The following BCR variants were observed in gnomAD, a reference collection of about 807,000 sequenced individuals.
BCR encodes the protein breakpoint cluster region protein.
In BCR, 58 loss-of-function variants were observed where a neutral mutation model predicts 138.6. That is an observed-to-expected ratio of 0.42 (90% confidence interval 0.34 to 0.52). BCR has a LOEUF of 0.52. Among genes scored for constraint, BCR ranks in the 20% least tolerant of loss-of-function variants. BCR has a pLI of 0.06. For synonymous variants in BCR, 786 were observed against 730.1 expected, an observed-to-expected ratio of 1.08 and a Z score of -1.23; for missense variants, 1,599 against 1,727.2, an observed-to-expected ratio of 0.93 and a Z score of 1.32.
intron 1 of BCR, among the ~76,000 whole-genome samples, chr22:23,240,654 A>G (rs957710191): frequency 2.0e-5 from 3 of 152,068 alleles, no homozygotes; most frequent in African/African-American, 7.2e-5. Flanking sequence ...TGTCTCAAAA[A>G]GAAAAAAAAA....
At chr22:23,245,811 A>G (rs2073150820) in intron 1 of BCR, among the ~76,000 whole-genome samples, 1 of 152,178 alleles carries the variant, frequency 6.6e-6, no homozygotes, top group Admixed American at 6.5e-5. Context: ...GCCTTAAAAA[A>G]AAAAAAAAAT....
intron 8 of BCR, 50 bp from the exon 9 acceptor site, chr22:23,283,927 C>T: frequency 6.6e-7 from 1 of 1,520,428 alleles, no homozygotes; most frequent in South Asian, 1.2e-5. Context: ...GAACACCCCC[C>T]ACCCATCACC....
At chr22:23,227,024 A>T (rs9608089) in intron 1 of BCR, among the ~76,000 whole-genome samples, 1 of 152,066 alleles carries the variant, frequency 6.6e-6, no homozygotes, top group Non-Finnish European at 1.5e-5. Flanking sequence ...TAAATAGGCA[A>T]GCTGCTTGCT....
At chr22:23,292,462 A>G (rs2073798989) in intron 14 of BCR, 79 bp from the exon 15 acceptor site, 1 of 1,046,146 alleles carries the variant, frequency 9.6e-7, no homozygotes, top group African/African-American at 1.6e-5. Flanking sequence ...TGATTCTGCA[A>G]ATAACACCTG....
chr22:23,273,830 C>G (rs141780479), intron 8 of BCR, 56 bp downstream of exon 8: 1 of 1,603,926 alleles, frequency 6.2e-7, no homozygotes, highest in African/African-American at 1.3e-5. Flanking sequence ...TGGGGGCATG[C>G]AGGGCCCCTC....
At chr22:23,219,546 T>A (rs1405307056) in intron 1 of BCR, among the ~76,000 whole-genome samples, 1 of 152,234 alleles carries the variant, frequency 6.6e-6, no homozygotes, top group Non-Finnish European at 1.5e-5. Flanking sequence ...GCTGTTCCCT[T>A]CTCACAAACC....
Position 23,261,959 on chromosome 22 carries a change from A to G in BCR, c.1752+419A>G, listed in dbSNP as rs959456080. 1.8e-5 allele frequency: 3 copies of G among 163,442 alleles called. No individual in the cohort carries two copies. The South Asian group carries it at 4.7e-4, about 26-fold the overall frequency. The allele number at this position is 163,442 out of a possible 1,614,324, so 10.1% of individuals were successfully genotyped here. A position where few individuals can be genotyped will look rare whatever the true frequency, so the allele number is the denominator to read the frequency against. ...CTGGGAGGTCACCATATTGATGCCA[A>G]ACTTAGTGTGTAGTGCACTACAGCC... On this transcript the variant is annotated intron_variant, in intron 4 of 22. Transcript: ENST00000305877.
At position 23,264,464 on chromosome 22, in the gene BCR, C is replaced by T; in HGVS notation, c.1752+2924C>T. On this transcript the variant is annotated intron_variant, in intron 4 of 22. Coordinates refer to ENST00000305877, the MANE Select transcript of BCR (RefSeq NM_004327.4). ...TTCCTCCCCACTGCCCCACTGTGCT[C>T]CTGGGCCTGTGACCCCAGTGCTCAG... 8 of 620,490 alleles carry T rather than the reference C, an allele frequency of 1.3e-5. No homozygotes were observed. The South Asian group carries it at 1.3e-4, about 10-fold the overall frequency. The allele number at this position is 620,490 out of a possible 1,614,324, so 38.4% of individuals were successfully genotyped here. A position where few individuals can be genotyped will look rare whatever the true frequency, so the allele number is the denominator to read the frequency against.
intron 1 of BCR, among the ~76,000 whole-genome samples, chr22:23,211,040 T>C (rs998279229): frequency 1.3e-5 from 2 of 152,138 alleles, no homozygotes; most frequent in African/African-American, 2.4e-5. Context: ...AGAAACCCTA[T>C]ACCTATTAGC....
intron 1 of BCR, among the ~76,000 whole-genome samples, chr22:23,184,914 C>G (rs1190204073): frequency 6.6e-6 from 1 of 151,294 alleles, no homozygotes; most frequent in Non-Finnish European, 1.5e-5. Context: ...GAAAATCACT[C>G]ATGGGGGTGG....
At chr22:23,184,223 C>T (rs2072309353) in intron 1 of BCR, among the ~76,000 whole-genome samples, 3 of 152,116 alleles carry the variant, frequency 2.0e-5, no homozygotes, top group Admixed American at 2.0e-4. Flanking sequence ...GCAGCTGGGA[C>T]TGCAGGCTCA....
In BCR at chr22:23,315,416, C is replaced by G. The variant is rs749064816; in HGVS notation, c.3727-17C>G. Reference sequence around the variant, plus strand: ...CCGCTCTGAGCCACTCTTCTCTTCCCTACTCTGCCCGGGCAGGTCCAGGTG... The same window carrying G: ...CCGCTCTGAGCCACTCTTCTCTTCCGTACTCTGCCCGGGCAGGTCCAGGTG... On this transcript the variant is annotated splice_polypyrimidine_tract_variant and intron_variant, in intron 22 of 22. Transcript: ENST00000305877. 191 of 1,612,842 alleles carry G rather than the reference C, an allele frequency of 1.2e-4. No individual in the cohort carries two copies. Among genetic ancestry groups the G allele is most frequent in the Admixed American group, 2.3e-4 (14 of 59,994 alleles).
Position 23,274,801 on chromosome 22 carries a change from G to A in BCR, c.2115+1027G>A, listed in dbSNP as rs184149327. Among the ~76,000 whole-genome samples, 264 of 151,822 alleles carry A rather than the reference G, an allele frequency of 1.7e-3. 1 individual carries two copies. Among genetic ancestry groups the A allele is most frequent in the Non-Finnish European group, 3.1e-3 (211 of 67,948 alleles). On this transcript the variant is annotated intron_variant, in intron 8 of 22. Coordinates refer to ENST00000305877, the MANE Select transcript of BCR (RefSeq NM_004327.4). ...TGGGTGCCTGTAATCCCAGCTACTC[G>A]GGAGGCTGAGGCAGGTGAATCGCTT...
At chr22:23,255,904 C>G (rs536151004) in intron 2 of BCR, among the ~76,000 whole-genome samples, 11 of 152,208 alleles carry the variant, frequency 7.2e-5, no homozygotes, top group Non-Finnish European at 1.3e-4. Context: ...CCCCTTGGCC[C>G]AGAGCTGGTC....
At chr22:23,275,177 A>G (rs1354784898) in intron 8 of BCR, among the ~76,000 whole-genome samples, 1 of 152,202 alleles carries the variant, frequency 6.6e-6, no homozygotes, top group Non-Finnish European at 1.5e-5. Context: ...GGACTTGGTC[A>G]GGTTTCTCCT....
chr22:23,182,109 C>T lies in BCR; in HGVS notation c.1149C>T (p.Pro383=), dbSNP rs775817981. The change falls in exon 1 of 23, where the codon CCC becomes CCT. Residue 383 remains proline (P), a synonymous_variant. Coordinates refer to ENST00000305877, the MANE Select transcript of BCR (RefSeq NM_004327.4). ...NSQQSFDSSS[P]PTPQCHKRHR... ...AACAGTCCTTCGACAGCAGCAGTCC[C>T]CCCACGCCGCAGTGCCATAAGCGGC... The T allele has an allele frequency of 1.1e-5, 18 of 1,612,348 alleles. No individual in the cohort carries two copies. The Middle Eastern group carries it at 4.9e-4, about 44-fold the overall frequency.
chr22:23,291,133 A>C (rs1385902324), intron 14 of BCR: 1 of 151,498 alleles, frequency 6.6e-6, no homozygotes, highest in African/African-American at 2.4e-5. Context: ...GCTTGAACCC[A>C]GGAGGCGGAG....
intron 16 of BCR, among the ~76,000 whole-genome samples, chr22:23,295,696 G>A (rs572297377): frequency 8.0e-4 from 122 of 152,280 alleles, no homozygotes; most frequent in African/African-American, 2.9e-3. Context: ...GACCGAGAAT[G>A]TGTCCATACA....
chr22:23,295,864 C>T (rs1421939624), intron 16 of BCR, among the ~76,000 whole-genome samples: 3 of 152,204 alleles, frequency 2.0e-5, no homozygotes, highest in Non-Finnish European at 2.9e-5. Flanking sequence ...CACAATTGCG[C>T]GGGGGTAGCT....
Sources: allele counts gnomAD v4.1 joint callset (sites outside exome capture counted in the v4.1 genomes callset), GRCh38; gene constraint gnomAD v4.1.1; transcripts MANE v1.5; gene names NCBI Gene and HGNC (gene_info 2026-07-23, HGNC 2026-07-21).